Variants in ATP6V1A observed in about 807,000 individuals in gnomAD.
ATP6V1A encodes ATPase H+ transporting V1 subunit A, also known as V-type proton ATPase catalytic subunit A.
A neutral mutation model predicts 70.1 loss-of-function variants in ATP6V1A; 18 were observed. That is an observed-to-expected ratio of 0.26 (90% CI 0.18 to 0.38). The LOEUF (loss-of-function observed/expected upper bound fraction) is 0.38. Ranked by LOEUF, ATP6V1A falls within the 10% of genes least tolerant of loss-of-function variation. The probability of loss-of-function intolerance (pLI) is 1.00; values close to 1 mark genes in which losing one functional copy is unlikely to be tolerated. For missense variants in ATP6V1A, 424 were observed against 772.4 expected (o/e 0.55, Z 5.35); for synonymous variants, 232 against 253.8 (o/e 0.91, Z 0.82).
At chr3:113,748,616 A>T (rs1162042855) in intron 1 of ATP6V1A, among the ~76,000 whole-genome samples, 2 of 152,234 alleles carry the variant, frequency 1.3e-5, no homozygotes, top group African/African-American at 4.8e-5. Flanking sequence ...AAGGAGAATA[A>T]AAAGTTAAAA....
intron 8 of ATP6V1A, among the ~76,000 whole-genome samples, chr3:113,793,760 A>T (rs556065857): frequency 6.6e-6 from 1 of 152,294 alleles, no homozygotes; most frequent in Admixed American, 6.5e-5. Flanking sequence ...ATGCAATATG[A>T]TAAATAGGAA....
rs527473857 is a variant in ATP6V1A, at chr3:113,762,145, T to A, written c.-14+15032T>A. ...GCAGCCTGGGCAACAAGAGCAAAAC[T>A]CTGTCTCAAAAAAAAAAAAGTTTCT... On this transcript the variant is annotated intron_variant, in intron 1 of 14. Coordinates refer to ENST00000273398, the MANE Select transcript of ATP6V1A (RefSeq NM_001690.4). 1.6e-4 allele frequency among the ~76,000 whole-genome samples: 20 copies of A among 128,104 alleles called. 1 individual carries two copies. The South Asian group carries it at 4.0e-3, about 25-fold the overall frequency. The allele number at this position is 128,104 out of a possible 152,430, so 84.0% of individuals were successfully genotyped here.
At chr3:113,772,730 A>G (rs1708859215) in intron 1 of ATP6V1A, among the ~76,000 whole-genome samples, 1 of 150,460 alleles carries the variant, frequency 6.6e-6, no homozygotes, top group Non-Finnish European at 1.5e-5. Flanking sequence ...TCCATCTCAA[A>G]AAAAAAAAAA....
rs200411192 is a variant in ATP6V1A, at chr3:113,765,226, C to CT, written c.-13-13507dup. 2.8e-4 allele frequency among the ~76,000 whole-genome samples: 43 copies of CT among 151,858 alleles called. No individual in the cohort carries two copies. The East Asian group carries it at 6.4e-3, about 23-fold the overall frequency. On this transcript the variant is annotated intron_variant, in intron 1 of 14. Transcript: ENST00000273398. ...CTTTGTAGTCACATTGATGTTTTAT[C>CT]TTTTTTTTGGCTAATATAGTTAGTT... is the stretch of plus-strand genomic sequence containing the variant.
At chr3:113,754,525 C>T (rs368916911) in intron 1 of ATP6V1A, among the ~76,000 whole-genome samples, 1 of 151,848 alleles carries the variant, frequency 6.6e-6, no homozygotes, top group East Asian at 1.9e-4. Context: ...CAGAGCGACA[C>T]CCTGTCTCAA....
chr3:113,766,518 C>T (rs1708773354), intron 1 of ATP6V1A, among the ~76,000 whole-genome samples: 1 of 152,158 alleles, frequency 6.6e-6, no homozygotes, highest in South Asian at 2.1e-4. Context: ...TGTTCTTGAA[C>T]ACCTGGACTC....
intron 1 of ATP6V1A, among the ~76,000 whole-genome samples, chr3:113,750,595 C>A (rs925606840): frequency 6.6e-6 from 1 of 152,234 alleles, no homozygotes; most frequent in African/African-American, 2.4e-5. Flanking sequence ...AGTTGAAGTT[C>A]TGGCCCTACC....
rs188793814 is a variant in ATP6V1A at position 113,767,216 on chromosome 3, C to T, written c.-13-11525C>T. 4.7e-3 allele frequency among the ~76,000 whole-genome samples: 708 copies of T among 151,594 alleles called. 15 individuals carry two copies. Among genetic ancestry groups the T allele is most frequent in the Admixed American group, 0.034 (513 of 15,216 alleles). On this transcript the variant is annotated intron_variant, in intron 1 of 14. Coordinates refer to ENST00000273398, the MANE Select transcript of ATP6V1A (RefSeq NM_001690.4). ...AAGCAATTCTCCTGCCTCAGCGCCC[C>T]GAGTAGCTGGGATTACAGGCACACG...
At chr3:113,799,950 A>G (rs190674077) in intron 12 of ATP6V1A, among the ~76,000 whole-genome samples, 10 of 152,230 alleles carry the variant, frequency 6.6e-5, no homozygotes, top group Admixed American at 3.3e-4. Context: ...GCCACTTCTC[A>G]GCCAGGCGTG....
At chr3:113,768,430 C>T (rs1708798422) in intron 1 of ATP6V1A, among the ~76,000 whole-genome samples, 1 of 151,978 alleles carries the variant, frequency 6.6e-6, no homozygotes, top group Non-Finnish European at 1.5e-5. Context: ...CCAATAAAGG[C>T]AACAAGGACT....
intron 12 of ATP6V1A, among the ~76,000 whole-genome samples, chr3:113,802,376 G>C (rs961585770): frequency 6.6e-6 from 1 of 152,152 alleles, no homozygotes; most frequent in African/African-American, 2.4e-5. Context: ...CTGTCGCCAG[G>C]CTGGAGTGCA....
rs112729133 is a variant in ATP6V1A at position 113,798,422 on chromosome 3, A to G, written c.1470A>G (p.Ala490=). The change falls in exon 12 of 15, where the codon GCA becomes GCG. Residue 490 remains alanine, a synonymous_variant. Transcript: ENST00000273398. ...TTCTGCAGGAAGAAGAAGACCTGGC[A>G]GAAATTGTACAGCTTGTGGGAAAGG... is the stretch of plus-strand genomic sequence containing the variant. ...KEILQEEEDL[A]EIVQLVGKAS... The G allele has an allele frequency of 6.4e-4, 1,031 of 1,613,912 alleles. 4 individuals are homozygous for G. The African/African-American group carries it at 0.012, about 19-fold the overall frequency.
At position 113,805,579 on chromosome 3, in the gene ATP6V1A, T is replaced by A. The variant is rs150760445; in HGVS notation, c.1761+54T>A. 1,177 of 1,107,332 alleles carry A rather than the reference T, an allele frequency of 1.1e-3. 14 individuals are homozygous for A. The African/African-American group carries it at 0.017, about 16-fold the overall frequency. The allele number at this position is 1,107,332 out of a possible 1,614,324, so 68.6% of individuals were successfully genotyped here. A position where few individuals can be genotyped will look rare whatever the true frequency, so the allele number is the denominator to read the frequency against. On this transcript the variant is annotated intron_variant, in intron 14 of 14. Coordinates refer to ENST00000273398, the MANE Select transcript of ATP6V1A (RefSeq NM_001690.4). The stretch of plus-strand genomic sequence containing the variant: ...TTATTTGGAAATGCTTCTTTTTTTC[T>A]TTTTTTTTTAGACAGAGTCTCACTC...
At chr3:113,780,135 C>T (rs967209723) in intron 2 of ATP6V1A, among the ~76,000 whole-genome samples, 2 of 152,134 alleles carry the variant, frequency 1.3e-5, no homozygotes, top group African/African-American at 4.8e-5. Flanking sequence ...TATTTCAGTG[C>T]ATCTTAATTC....
At chr3:113,809,281 C>T (rs928968863) in intron 14 of ATP6V1A, 54 bp from the exon 15 acceptor site, 25 of 1,481,200 alleles carry the variant, frequency 1.7e-5, no homozygotes, top group Non-Finnish European at 2.2e-5. Flanking sequence ...ACTTAACATA[C>T]GTAATGAAAA....
At chr3:113,794,453 G>C (rs1411076095) in intron 8 of ATP6V1A, among the ~76,000 whole-genome samples, 2 of 152,186 alleles carry the variant, frequency 1.3e-5, no homozygotes, top group East Asian at 3.8e-4. Flanking sequence ...CAATATAATA[G>C]ATGTTTATTT....
chr3:113,780,875 C>T (rs952034750), intron 2 of ATP6V1A, 175 bp from the exon 3 acceptor site: 6 of 1,292,840 alleles, frequency 4.6e-6, no homozygotes, highest in Non-Finnish European at 6.2e-6. Flanking sequence ...TTATATTATA[C>T]ACTAAAATAT....
intron 14 of ATP6V1A, 33 bp downstream of exon 14, chr3:113,805,558 T>C (rs1357644362): frequency 6.4e-6 from 10 of 1,560,138 alleles, no homozygotes; most frequent in Non-Finnish European, 8.7e-6. Flanking sequence ...CTTTTTTTAT[T>C]TGGAAATGCT....
chr3:113,768,804 C>T (rs1455224123), intron 1 of ATP6V1A, among the ~76,000 whole-genome samples: 1 of 152,022 alleles, frequency 6.6e-6, no homozygotes. Context: ...CCACGTTGGC[C>T]AGGCTGGTCT....
Sources: allele counts gnomAD v4.1 joint callset (sites outside exome capture counted in the v4.1 genomes callset), GRCh38; gene constraint gnomAD v4.1.1; transcripts MANE v1.5; gene names NCBI Gene and HGNC (gene_info 2026-07-23, HGNC 2026-07-21).